Variants in NELL1 observed in about 807,000 individuals in gnomAD.
NELL1 encodes the protein neural EGFL like 1.
Under a neutral mutation model 107.4 loss-of-function variants are expected in NELL1, and 76 were observed. That is an observed-to-expected ratio of 0.71 (90% CI 0.59 to 0.86). The LOEUF is 0.86. NELL1 is among the 40% of genes least tolerant of loss of function. The pLI is 0.00. For missense variants in NELL1, 1,024 were observed against 1,005.5 expected (o/e 1.02, Z -0.25); for synonymous variants, 353 against 341.2 (o/e 1.03, Z -0.38).
intron 2 of NELL1, among the ~76,000 whole-genome samples, chr11:20,688,946 T>G (rs545320446): frequency 6.6e-6 from 1 of 152,276 alleles, no homozygotes; most frequent in Admixed American, 6.5e-5. Context: ...TTTTGACTCT[T>G]TAGTAATAGC....
intron 15 of NELL1, among the ~76,000 whole-genome samples, chr11:21,494,530 C>T (rs1564923457): frequency 6.6e-6 from 1 of 151,710 alleles, no homozygotes; most frequent in African/African-American, 2.4e-5. Flanking sequence ...TGTTATAATA[C>T]ATTTTACTAT....
chr11:20,931,494 G>A (rs879852661), intron 9 of NELL1, among the ~76,000 whole-genome samples: 7 of 152,064 alleles, frequency 4.6e-5, no homozygotes, highest in Non-Finnish European at 8.8e-5. Flanking sequence ...TTAGTTCTTA[G>A]CCATACCACA....
intron 12 of NELL1, among the ~76,000 whole-genome samples, chr11:21,013,985 G>A (rs1319846009): frequency 6.6e-6 from 1 of 151,942 alleles, no homozygotes; most frequent in Non-Finnish European, 1.5e-5. Context: ...ATTAGGCTGG[G>A]GTTATGTGTA....
chr11:21,051,637 G>A (rs1853495508), intron 12 of NELL1, among the ~76,000 whole-genome samples: 1 of 152,146 alleles, frequency 6.6e-6, no homozygotes, highest in Non-Finnish European at 1.5e-5. Flanking sequence ...TCCCATCTAT[G>A]GGACATGACA....
At chr11:21,090,011 T>A (rs1209711610) in intron 12 of NELL1, among the ~76,000 whole-genome samples, 1 of 152,164 alleles carries the variant, frequency 6.6e-6, no homozygotes, top group Non-Finnish European at 1.5e-5. Context: ...CTAGCTATAG[T>A]GGAGGAGAGA....
intron 17 of NELL1, among the ~76,000 whole-genome samples, chr11:21,565,269 G>A (rs916122887): frequency 6.6e-6 from 1 of 151,800 alleles, no homozygotes; most frequent in Non-Finnish European, 1.5e-5. Context: ...AACTCTAGGG[G>A]TCCTGTAAAG....
chr11:21,243,744 C>T (rs934191317), intron 14 of NELL1, among the ~76,000 whole-genome samples: 3 of 151,988 alleles, frequency 2.0e-5, no homozygotes, highest in Non-Finnish European at 4.4e-5. Context: ...TTAGACACAT[C>T]TCAGTTCAGA....
chr11:20,733,552 G>T (rs917340293), intron 2 of NELL1, among the ~76,000 whole-genome samples: 31 of 152,196 alleles, frequency 2.0e-4, no homozygotes, highest in African/African-American at 4.8e-5. Flanking sequence ...GTCCCCAGGT[G>T]TAGTGGGAAA....
In NELL1 at chr11:20,762,998, G is replaced by A. The variant is rs958117134; in HGVS notation, c.185-20682G>A. On this transcript the variant is annotated intron_variant, in intron 2 of 19. Transcript: ENST00000357134. ...GCCGAAACACTTTAAAAAAAGATAC[G>A]CCAACCTTACTGGAAAGACAAAAAA... Among the ~76,000 whole-genome samples the A allele has an allele frequency of 1.5e-4, 23 of 151,998 alleles. No individual in the cohort carries two copies. In the East Asian group the frequency reaches 1.7e-3, roughly 11 times the overall value.
chr11:21,496,967 T>A (rs1474356158), intron 15 of NELL1, among the ~76,000 whole-genome samples: 3 of 152,126 alleles, frequency 2.0e-5, no homozygotes, highest in African/African-American at 7.2e-5. Context: ...CATCATTTTT[T>A]ATGGCTGCAT....
At chr11:21,266,327 CT>C (rs1440742458) in intron 14 of NELL1, among the ~76,000 whole-genome samples, 2 of 151,986 alleles carry the variant, frequency 1.3e-5, no homozygotes, top group African/African-American at 4.8e-5. Flanking sequence ...ATCTATCTAC[CT>C]ATTTTTACTC....
At chr11:21,351,608 C>T (rs954667526) in intron 14 of NELL1, among the ~76,000 whole-genome samples, 5 of 151,848 alleles carry the variant, frequency 3.3e-5, no homozygotes, top group African/African-American at 4.8e-5. Flanking sequence ...TTGTCTACTC[C>T]GGACAAAGAT....
intron 3 of NELL1, among the ~76,000 whole-genome samples, chr11:20,814,348 T>C (rs189577128): frequency 3.3e-5 from 5 of 152,330 alleles, no homozygotes; most frequent in Admixed American, 2.6e-4. Context: ...GTGTGCTACA[T>C]TGGCATATTG....
At chr11:21,247,415 T>C (rs1425502810) in intron 14 of NELL1, among the ~76,000 whole-genome samples, 1 of 152,218 alleles carries the variant, frequency 6.6e-6, no homozygotes, top group Non-Finnish European at 1.5e-5. Context: ...TAAGCTTTTG[T>C]CTATTTTTAA....
chr11:21,357,743 T>A (rs1850970312), intron 14 of NELL1, among the ~76,000 whole-genome samples: 1 of 152,238 alleles, frequency 6.6e-6, no homozygotes, highest in African/African-American at 2.4e-5. Flanking sequence ...AGAAGAGTTT[T>A]ACTGATGTTA....
At position 20,760,276 on chromosome 11, in the gene NELL1, T is replaced by C. The variant is rs189391231; in HGVS notation, c.185-23404T>C. On this transcript the variant is annotated intron_variant, in intron 2 of 19. Coordinates refer to ENST00000357134, the MANE Select transcript of NELL1 (RefSeq NM_006157.5). ...CATCAGTGAAAGATTTCAGCTGGAG[T>C]GTATGTAGCCGTAATGTTGTTCTCA... 1.8e-3 allele frequency among the ~76,000 whole-genome samples: 280 copies of C among 152,240 alleles called. 1 individual carries two copies. Among genetic ancestry groups the C allele is most frequent in the African/African-American group, 6.1e-3 (252 of 41,554 alleles).
chr11:21,240,469 G>T (rs1381659839), intron 14 of NELL1, among the ~76,000 whole-genome samples: 1 of 151,990 alleles, frequency 6.6e-6, no homozygotes, highest in African/African-American at 2.4e-5. Flanking sequence ...TTAAAGGTCT[G>T]ATAGTGTTTT....
At chr11:21,091,769 A>G (rs911529576) in intron 12 of NELL1, among the ~76,000 whole-genome samples, 1 of 152,254 alleles carries the variant, frequency 6.6e-6, no homozygotes, top group Non-Finnish European at 1.5e-5. Flanking sequence ...TGTTTAAAAA[A>G]AATTCAGGCC....
intron 13 of NELL1, among the ~76,000 whole-genome samples, chr11:21,162,919 C>T (rs1291115166): frequency 6.6e-6 from 1 of 151,928 alleles, no homozygotes; most frequent in African/African-American, 2.4e-5. Flanking sequence ...CTGGTATATA[C>T]CCAAGATGTT....
Sources: gnomAD v4.1 joint callset for allele counts (sites outside exome capture counted in the v4.1 genomes callset) on GRCh38, gnomAD v4.1.1 for gene constraint, MANE v1.5 for transcripts, NCBI Gene and HGNC (gene_info 2026-07-23, HGNC 2026-07-21) for gene names.